NCAM1: variants seen among roughly 807,000 people sequenced by gnomAD.
NCAM1 encodes the protein neural cell adhesion molecule 1.
NCAM1 carries 14 observed loss-of-function variants against 109.8 expected under a neutral mutation model. The observed-to-expected ratio is 0.13, with a 90% CI of 0.08 to 0.20. The LOEUF (loss-of-function observed/expected upper bound fraction) is 0.20, where lower values mean the gene tolerates loss of function less well. Among genes scored for constraint, NCAM1 ranks in the 10% least tolerant of loss-of-function variants. The pLI, the probability that NCAM1 is intolerant of heterozygous loss-of-function variation, is 1.00. For synonymous variants in NCAM1, 418 were observed against 442.9 expected, an observed-to-expected ratio of 0.94 and a Z score of 0.70; for missense variants, 774 against 1,109.9, an observed-to-expected ratio of 0.70 and a Z score of 4.30.
intron 1 of NCAM1, among the ~76,000 whole-genome samples, chr11:113,090,804 T>G (rs138379926): frequency 6.3e-4 from 96 of 152,344 alleles, no homozygotes; most frequent in African/African-American, 2.2e-3. Context: ...TGATATCTAT[T>G]TCATCATGAC....
At chr11:112,991,812 A>G (rs1565368938) in intron 1 of NCAM1, among the ~76,000 whole-genome samples, 1 of 152,218 alleles carries the variant, frequency 6.6e-6, no homozygotes, top group South Asian at 2.1e-4. Context: ...ATGATTGGCA[A>G]TATGGTCTGT....
At chr11:113,256,215 A>G (rs1945830728) in intron 16 of NCAM1, among the ~76,000 whole-genome samples, 1 of 152,220 alleles carries the variant, frequency 6.6e-6, no homozygotes, top group South Asian at 2.1e-4. Context: ...TGGAAACCTC[A>G]TAGATGACTG....
chr11:113,006,956 G>A (rs1367462367), intron 1 of NCAM1, among the ~76,000 whole-genome samples: 2 of 152,118 alleles, frequency 1.3e-5, no homozygotes, highest in African/African-American at 4.8e-5. Flanking sequence ...GAAACAAAAA[G>A]ACCCAAAACA....
intron 1 of NCAM1, among the ~76,000 whole-genome samples, chr11:112,991,537 T>C (rs1057367083): frequency 1.3e-5 from 2 of 151,302 alleles, no homozygotes; most frequent in Non-Finnish European, 2.9e-5. Context: ...AGCTGGCAGG[T>C]ATTTTAGAGA....
intron 1 of NCAM1, among the ~76,000 whole-genome samples, chr11:113,049,589 C>G (rs1953393177): frequency 6.6e-6 from 1 of 152,168 alleles, no homozygotes; most frequent in African/African-American, 2.4e-5. Context: ...GGGAAGGGAA[C>G]AGAAGAGCTG....
chr11:113,131,762 G>A (rs1298389540), intron 1 of NCAM1, among the ~76,000 whole-genome samples: 8 of 152,202 alleles, frequency 5.3e-5, no homozygotes, highest in African/African-American at 1.7e-4. Context: ...GGAAGATCGA[G>A]CAGGTGGTTT....
intron 1 of NCAM1, among the ~76,000 whole-genome samples, chr11:113,060,898 AAT>A (rs1953891673): frequency 3.3e-5 from 5 of 152,212 alleles, no homozygotes; most frequent in African/African-American, 9.6e-5. Flanking sequence ...TAAATGGAAG[AAT>A]ACATAAAGAA....
At chr11:113,016,375 C>T (rs1417241247) in intron 1 of NCAM1, among the ~76,000 whole-genome samples, 1 of 152,134 alleles carries the variant, frequency 6.6e-6, no homozygotes, top group African/African-American at 2.4e-5. Context: ...TGGTCTCTGC[C>T]TAATAGACAG....
At chr11:112,989,910 AC>A (rs1737132964) in intron 1 of NCAM1, among the ~76,000 whole-genome samples, 1 of 152,134 alleles carries the variant, frequency 6.6e-6, no homozygotes, top group South Asian at 2.1e-4. Context: ...CTTCAATGTA[AC>A]CCTTTTAAAA....
Position 113,274,593 on chromosome 11 carries a change from C to G in NCAM1, c.2457-674C>G, listed in dbSNP as rs1253051986. ...CGCCAGGAGCCCTGAATCTCAGCAT[C>G]GGGAGGGAAAAGGACTCTGATAGCC... On this transcript the variant is annotated intron_variant, in intron 19 of 19. Coordinates refer to ENST00000316851, the MANE Select transcript of NCAM1 (RefSeq NM_181351.5). This position sits in a 1 kb window ranked among gnomAD's most constrained non-coding sequence, Gnocchi z 4.1. 6.6e-6 allele frequency among the ~76,000 whole-genome samples: 1 copy of G among 152,184 alleles called. No individual in the cohort carries two copies. Among genetic ancestry groups the G allele is most frequent in the African/African-American group, 2.4e-5 (1 of 41,448 alleles).
chr11:113,193,541 T>C (rs140968733), intron 1 of NCAM1, among the ~76,000 whole-genome samples: 1 of 152,158 alleles, frequency 6.6e-6, no homozygotes, highest in African/African-American at 2.4e-5. Flanking sequence ...TAATCTCAGC[T>C]ACTTGGGAGG....
intron 1 of NCAM1, among the ~76,000 whole-genome samples, chr11:113,199,786 TA>T (rs1228708804): frequency 2.1e-4 from 11 of 52,364 alleles, no homozygotes; most frequent in South Asian, 6.1e-4. Flanking sequence ...AGTATAATAA[TA>T]AAAAAAAGAA....
intron 17 of NCAM1, chr11:113,265,308 G>C: frequency 3.1e-6 from 1 of 321,972 alleles, no homozygotes. Context: ...AGAAATAGTA[G>C]CCTGGTGAAT....
intron 1 of NCAM1, among the ~76,000 whole-genome samples, chr11:113,168,957 G>A (rs1555105699): frequency 6.6e-6 from 1 of 151,878 alleles, no homozygotes; most frequent in African/African-American, 2.4e-5. Context: ...GGTCTTTATT[G>A]CATGAACGTG....
rs375772892 is a variant in NCAM1 at position 113,232,767 on chromosome 11, T to C, written c.1475T>C (p.Val492Ala). The change falls in exon 12 of 20, where the codon GTG (valine) becomes GCG (alanine). Residue 492 changes from valine (V) to alanine (A), a missense_variant. By Grantham distance (64) the Val-to-Ala change is moderately conservative. This residue lies in a region of NCAM1 where 523 missense variants were observed against 784.2 expected (regional missense o/e 0.67). Coordinates refer to ENST00000316851, the MANE Select transcript of NCAM1 (RefSeq NM_181351.5). Reference sequence around the variant, plus strand: ...TTTGGGAACTACAACTGTACTGCAGTGAACCGCATTGGGCAGGAGTCCTTG... The same window carrying C: ...TTTGGGAACTACAACTGTACTGCAGCGAACCGCATTGGGCAGGAGTCCTTG... Reference protein sequence around the residue: ...NDFGNYNCTAVNRIGQESLEF... With the variant: ...NDFGNYNCTAANRIGQESLEF... 40 of 1,613,852 alleles carry C rather than the reference T, an allele frequency of 2.5e-5. No homozygotes were observed. The African/African-American group carries it at 5.2e-4, about 21-fold the overall frequency.
intron 1 of NCAM1, among the ~76,000 whole-genome samples, chr11:112,986,838 A>G (rs879964389): frequency 2.6e-5 from 4 of 151,918 alleles, no homozygotes; most frequent in Admixed American, 1.3e-4. Context: ...TATCTTTCAG[A>G]AAAAAACTAA....
chr11:112,990,422 C>T (rs1017703436), intron 1 of NCAM1, among the ~76,000 whole-genome samples: 1 of 152,180 alleles, frequency 6.6e-6, no homozygotes, highest in Non-Finnish European at 1.5e-5. Context: ...CTCAGTGCTG[C>T]TGGCATGACT....
At chr11:113,036,157 C>A (rs1324222702) in intron 1 of NCAM1, among the ~76,000 whole-genome samples, 1 of 152,096 alleles carries the variant, frequency 6.6e-6, no homozygotes, top group Non-Finnish European at 1.5e-5. Context: ...CAGCCCTGAG[C>A]CTGATCCTGC....
At chr11:113,249,139 C>G (rs1555120774) in intron 15 of NCAM1, among the ~76,000 whole-genome samples, 2 of 152,316 alleles carry the variant, frequency 1.3e-5, no homozygotes, top group Admixed American at 6.5e-5. Flanking sequence ...GACACTGACT[C>G]GTACTAGGAA....
Sources: gnomAD v4.1 joint callset for allele counts (sites outside exome capture counted in the v4.1 genomes callset) on GRCh38, gnomAD v4.1.1 for gene constraint, gnomAD v4.1.1 regional missense constraint, Gnocchi (gnomAD v3.1) non-coding constraint, MANE v1.5 for transcripts, NCBI Gene and HGNC (gene_info 2026-07-23, HGNC 2026-07-21) for gene names.